The following SENP7 variants were observed in gnomAD, a reference collection of about 807,000 sequenced individuals.
SENP7 encodes sentrin-specific protease 7.
A neutral mutation model predicts 141.2 loss-of-function variants in SENP7; 64 were observed. The ratio of observed to expected loss-of-function variants is 0.45; its 90% CI spans 0.37 to 0.56. The LOEUF is 0.56. SENP7 is among the 20% of genes least tolerant of loss of function. The pLI is 0.00. For synonymous variants in SENP7, 382 were observed against 426.4 expected, an observed-to-expected ratio of 0.90 and a Z score of 1.28; for missense variants, 1,025 against 1,212.2, an observed-to-expected ratio of 0.85 and a Z score of 2.29.
At chr3:101,387,004 G>A (rs1319861077) in intron 6 of SENP7, among the ~76,000 whole-genome samples, 1 of 152,168 alleles carries the variant, frequency 6.6e-6, no homozygotes, top group African/African-American at 2.4e-5. Flanking sequence ...GGGAATCAAT[G>A]GACCCTAACA....
chr3:101,435,908 A>G (rs9834710), intron 4 of SENP7, among the ~76,000 whole-genome samples: 60,312 of 151,960 alleles, frequency 0.4, 12,487 homozygotes, highest in Admixed American at 0.54. Context: ...TTCTTCACAG[A>G]AATAGAAAAA....
intron 6 of SENP7, among the ~76,000 whole-genome samples, chr3:101,395,250 T>G (rs76844267): frequency 6.6e-6 from 1 of 152,254 alleles, no homozygotes; most frequent in Non-Finnish European, 1.5e-5. Flanking sequence ...ATGTCCCCTA[T>G]GTTTTCTTCC....
chr3:101,342,079 AT>A (rs1187720070), intron 14 of SENP7, among the ~76,000 whole-genome samples: 13 of 152,234 alleles, frequency 8.5e-5, no homozygotes, highest in African/African-American at 3.1e-4. Context: ...ATAGGAGGAA[AT>A]AAAATTTAAA....
chr3:101,375,316 G>A (rs2060290284), intron 6 of SENP7, among the ~76,000 whole-genome samples: 4 of 151,840 alleles, frequency 2.6e-5, no homozygotes, highest in Admixed American at 2.6e-4. Context: ...GCTGAGGCGG[G>A]CGGATCACCT....
chr3:101,485,301 C>T (rs1298867695), intron 3 of SENP7, among the ~76,000 whole-genome samples: 1 of 151,950 alleles, frequency 6.6e-6, no homozygotes, highest in African/African-American at 2.4e-5. Context: ...GGAGGTCAAC[C>T]AGCACAAAAA....
chr3:101,461,212 G>A (rs1465546519), intron 3 of SENP7, among the ~76,000 whole-genome samples: 3 of 151,948 alleles, frequency 2.0e-5, no homozygotes, highest in South Asian at 2.1e-4. Context: ...ATAACTCCAC[G>A]GTCATGGTTT....
chr3:101,338,320 C>A (rs1414710858), intron 16 of SENP7, among the ~76,000 whole-genome samples: 1 of 152,064 alleles, frequency 6.6e-6, no homozygotes, highest in Non-Finnish European at 1.5e-5. Context: ...TAATCATATA[C>A]TCAAATATAA....
chr3:101,351,593 A>G, intron 12 of SENP7, 25 bp downstream of exon 12: 1 of 1,327,862 alleles, frequency 7.5e-7, no homozygotes, highest in Non-Finnish European at 9.9e-7. Context: ...TAAAAAGACA[A>G]GTTCATAAGA....
At chr3:101,379,701 C>G (rs2060440432) in intron 6 of SENP7, among the ~76,000 whole-genome samples, 1 of 152,156 alleles carries the variant, frequency 6.6e-6, no homozygotes, top group East Asian at 1.9e-4. Context: ...TATGGAGTAA[C>G]TGGAACCCTT....
At chr3:101,383,797 G>A (rs2060574795) in intron 6 of SENP7, among the ~76,000 whole-genome samples, 1 of 152,210 alleles carries the variant, frequency 6.6e-6, no homozygotes, top group Non-Finnish European at 1.5e-5. Flanking sequence ...CTGGGCACTG[G>A]GGATAGGAGG....
In SENP7 at chr3:101,376,644, GGAGC is replaced by G. The variant is rs2060340529; in HGVS notation, c.678-4522_678-4519del. 7.9e-5 allele frequency among the ~76,000 whole-genome samples: 12 copies of G among 152,036 alleles called. No individual in the cohort carries two copies. In the South Asian group the frequency reaches 2.3e-3, roughly 29 times the overall value. On this transcript the variant is annotated intron_variant, in intron 6 of 23. Coordinates refer to ENST00000394095, the MANE Select transcript of SENP7 (RefSeq NM_020654.5). Reference sequence around the variant, plus strand: ...CTCTGGGGACTGTTGTGGGGTGGGGGGAGCGGGGAGGGATAGCATTAGGAGATAC... The same window carrying G: ...CTCTGGGGACTGTTGTGGGGTGGGGGGGGGAGGGATAGCATTAGGAGATAC...
chr3:101,357,632 G>A (rs889315404), intron 11 of SENP7: 16 of 815,526 alleles, frequency 2.0e-5, no homozygotes, highest in African/African-American at 5.1e-5. Flanking sequence ...GCACAAAAGC[G>A]GTTATAATGG....
intron 4 of SENP7, among the ~76,000 whole-genome samples, chr3:101,433,772 AAAT>A (rs2062275489): frequency 6.6e-6 from 1 of 152,164 alleles, no homozygotes; most frequent in Non-Finnish European, 1.5e-5. Flanking sequence ...TATACCAAGG[AAAT>A]AATATTAGAG....
At chr3:101,456,337 T>C (rs2063350648) in intron 4 of SENP7, among the ~76,000 whole-genome samples, 2 of 152,170 alleles carry the variant, frequency 1.3e-5, no homozygotes, top group South Asian at 4.1e-4. Context: ...AAAAAATACA[T>C]CATTTTCCTT....
chr3:101,512,850 G>T (rs2065916616), intron 1 of SENP7, among the ~76,000 whole-genome samples: 1 of 152,172 alleles, frequency 6.6e-6, no homozygotes, highest in African/African-American at 2.4e-5. Flanking sequence ...CGCGGGAGGA[G>T]GGAAAAAATA....
intron 11 of SENP7, chr3:101,358,547 C>T (rs543638617): frequency 7.7e-6 from 2 of 258,360 alleles, no homozygotes; most frequent in Non-Finnish European, 1.6e-5. Context: ...AGGAAGTTCT[C>T]AACCCTTATT....
At chr3:101,438,946 G>A (rs540935373) in intron 4 of SENP7, among the ~76,000 whole-genome samples, 15 of 128,560 alleles carry the variant, frequency 1.2e-4, no homozygotes, top group Non-Finnish European at 1.7e-4. Context: ...GCCTCTGCCC[G>A]GTGCCACCCC....
chr3:101,445,839 TAA>T (rs2062869533), intron 4 of SENP7, among the ~76,000 whole-genome samples: 1 of 151,762 alleles, frequency 6.6e-6, no homozygotes, highest in Admixed American at 6.6e-5. Context: ...AGCAAGAAAA[TAA>T]AGATTCTGAA....
chr3:101,484,081 A>C (rs932670429), intron 3 of SENP7, among the ~76,000 whole-genome samples: 1 of 152,212 alleles, frequency 6.6e-6, no homozygotes, highest in Non-Finnish European at 1.5e-5. Flanking sequence ...ATGCAAAACC[A>C]TAAAACTCCT....
Sources: gnomAD v4.1 joint callset for allele counts (sites outside exome capture counted in the v4.1 genomes callset) on GRCh38, gnomAD v4.1.1 for gene constraint, MANE v1.5 for transcripts, NCBI Gene and HGNC (gene_info 2026-07-23, HGNC 2026-07-21) for gene names.